Variants in GNPDA1 observed in about 807,000 individuals in gnomAD.
The protein encoded by GNPDA1 is GNPDA 1.
Under a neutral mutation model 28.5 loss-of-function variants are expected in GNPDA1, and 24 were observed. The observed-to-expected ratio is 0.84, with a 90% CI of 0.61 to 1.19. The LOEUF (loss-of-function observed/expected upper bound fraction) is 1.19, where lower values mean the gene tolerates loss of function less well. Ranked by LOEUF, GNPDA1 falls within the 50% of genes most tolerant of loss-of-function variation. The pLI, the probability that GNPDA1 is intolerant of heterozygous loss-of-function variation, is 0.00. For missense variants in GNPDA1, 264 were observed against 367.3 expected (o/e 0.72, Z 2.30); for synonymous variants, 147 against 139.3 (o/e 1.06, Z -0.39).
intron 4 of GNPDA1, 64 bp downstream of exon 4, chr5:142,006,080 G>T: frequency 7.4e-7 from 1 of 1,349,168 alleles, no homozygotes; most frequent in Non-Finnish European, 1.0e-6. Context: ...GACAGGCATT[G>T]TGTCTTGTCC....
chr5:142,006,585 C>T (rs896306785), intron 3 of GNPDA1, among the ~76,000 whole-genome samples: 1 of 149,408 alleles, frequency 6.7e-6, no homozygotes, highest in Non-Finnish European at 1.5e-5. Context: ...CTGGGAAATC[C>T]CCACATTCTG....
Position 142,003,009 on chromosome 5 carries a change from G to T in GNPDA1, c.769+79C>A. 2 of 1,145,248 alleles carry T rather than the reference G, an allele frequency of 1.7e-6. No individual in the cohort carries two copies. The highest frequency in any genetic ancestry group is 2.5e-6 in the Non-Finnish European group (2 of 793,710). 70.9% of individuals were successfully genotyped at this position (1,145,248 alleles called of 1,614,324 possible). A position where few individuals can be genotyped will look rare whatever the true frequency, so the allele number is the denominator to read the frequency against. ...ACAGTTGTCAATTAAAATGACCAGA[G>T]GATGAAAGCTGGATCTACTCCTTAC... On this transcript the variant is annotated intron_variant, in intron 6 of 6. Transcript: ENST00000311337. This position sits in a 1 kb window ranked among gnomAD's most constrained non-coding sequence, Gnocchi z 4.0.
Position 142,002,128 on chromosome 5 carries a change from A to C in GNPDA1, c.771T>G (p.Gly257=). 6.5e-7 allele frequency: 1 copy of C among 1,532,460 alleles called. No homozygotes were observed. Among genetic ancestry groups the C allele is most frequent in the Non-Finnish European group, 9.0e-7 (1 of 1,112,290 alleles). 94.9% of individuals were successfully genotyped at this position (1,532,460 alleles called of 1,614,324 possible). The change falls in exon 7 of 7, where the codon GGT becomes GGG. Residue 257 remains glycine, a splice_region_variant and synonymous_variant. Coordinates refer to ENST00000311337, the MANE Select transcript of GNPDA1 (RefSeq NM_005471.5). ...CCAACTTGTTATGAACAAGCATTAA[A>C]CCTACAAAAAATTAAAAACAAAAAG... ...LKVKTVKYFK[G]LMLVHNKLVD...
intron 2 of GNPDA1, among the ~76,000 whole-genome samples, 172 bp from the exon 3 acceptor site, chr5:142,008,072 A>G (rs920707232): frequency 6.6e-6 from 1 of 152,178 alleles, no homozygotes; most frequent in African/African-American, 2.4e-5. Context: ...TTTAATGCCT[A>G]TTTTGCCACT....
chr5:142,006,231 C>A lies in GNPDA1; in HGVS notation c.322G>T (p.Asp108Tyr). 3 of 1,613,978 alleles carry A rather than the reference C, an allele frequency of 1.9e-6. No homozygotes were observed. Among genetic ancestry groups the A allele is most frequent in the Non-Finnish European group, 2.5e-6 (3 of 1,179,818 alleles). ...GCCTGTAGGTCGACTGCATTCCCAT[C>A]CAGAATGTGGGTGTTTTCTGGGTGG... ...DIHPENTHIL[D>Y]GNAVDLQAEC... The change falls in exon 4 of 7, where the codon GAT becomes TAT. Residue 108 changes from aspartate to tyrosine, a missense_variant. By Grantham distance (160) the Asp-to-Tyr change is radical. Coordinates refer to ENST00000311337, the MANE Select transcript of GNPDA1 (RefSeq NM_005471.5).
At position 142,004,933 on chromosome 5, in the gene GNPDA1, T is replaced by C. The variant is rs1755765448; in HGVS notation, c.593A>G (p.Glu198Gly). 2 of 1,593,278 alleles carry C rather than the reference T, an allele frequency of 1.3e-6. No homozygotes were observed. Among genetic ancestry groups the C allele is most frequent in the Non-Finnish European group, 1.7e-6 (2 of 1,163,194 alleles). The stretch of plus-strand genomic sequence containing the variant: ...CTGGTGGGGCCCTTATGCCCTTACC[T>C]CTCTAGCATCCATGACAGTGCCCAC... ...VGVGTVMDAR[E>G]VMILITGAHK... The change falls in exon 5 of 7, where the codon GAG (glutamate) becomes GGG (glycine). Residue 198 changes from glutamate (E) to glycine (G), a missense_variant and splice_region_variant. Coordinates refer to ENST00000311337, the MANE Select transcript of GNPDA1 (RefSeq NM_005471.5).
intron 6 of GNPDA1, among the ~76,000 whole-genome samples, chr5:142,002,874 T>C (rs1254927187): frequency 1.3e-5 from 2 of 152,228 alleles, no homozygotes; most frequent in African/African-American, 4.8e-5. Flanking sequence ...TGCGTTTTCT[T>C]TCCTCCTCCT....
chr5:142,010,403 C>G (rs907094419), intron 2 of GNPDA1, among the ~76,000 whole-genome samples: 33 of 152,192 alleles, frequency 2.2e-4, no homozygotes, highest in African/African-American at 6.8e-4. Flanking sequence ...AAATGATCGA[C>G]CCACCTCAGC....
intron 2 of GNPDA1, among the ~76,000 whole-genome samples, chr5:142,009,696 A>C (rs1432115387): frequency 1.3e-5 from 2 of 152,094 alleles, no homozygotes; most frequent in Non-Finnish European, 1.5e-5. Context: ...GCCATTTTCC[A>C]AACTTCTAGC....
rs1485307907 is a variant in GNPDA1 at position 142,006,077 on chromosome 5, A to C, written c.409+67T>G. The stretch of plus-strand genomic sequence containing the variant: ...CAGAAGAAGCTGTCTGCAGACAGGC[A>C]TTGTGTCTTGTCCTCCTTCCCACGG... On this transcript the variant is annotated intron_variant, in intron 4 of 6. Transcript: ENST00000311337. 1.1e-5 allele frequency: 15 copies of C among 1,326,150 alleles called. No individual in the cohort carries two copies. In the Admixed American group the frequency reaches 1.3e-4, roughly 11 times the overall value. 82.1% of individuals were successfully genotyped at this position (1,326,150 alleles called of 1,614,324 possible).
chr5:142,008,800 C>CTAAA (rs976233592), intron 2 of GNPDA1, among the ~76,000 whole-genome samples: 4 of 150,956 alleles, frequency 2.6e-5, no homozygotes, highest in Non-Finnish European at 5.9e-5. Context: ...TATTAAAAGA[C>CTAAA]TAAAGATGCA....
At chr5:142,010,886 A>G (rs1561573840) in intron 2 of GNPDA1, among the ~76,000 whole-genome samples, 1 of 152,026 alleles carries the variant, frequency 6.6e-6, no homozygotes, top group African/African-American at 2.4e-5. Context: ...TGAAAATTAT[A>G]TAAGTTCAAA....
intron 2 of GNPDA1, among the ~76,000 whole-genome samples, chr5:142,010,711 G>C (rs1755927861): frequency 6.7e-6 from 1 of 148,328 alleles, no homozygotes; most frequent in African/African-American, 2.5e-5. Flanking sequence ...ATGGGGTTTT[G>C]CCATGTTGCC....
At chr5:142,009,070 G>A (rs760958665) in intron 2 of GNPDA1, among the ~76,000 whole-genome samples, 3 of 152,076 alleles carry the variant, frequency 2.0e-5, no homozygotes, top group Non-Finnish European at 4.4e-5. Context: ...GTGTGTGTGT[G>A]TGTAGATAAA....
chr5:142,005,061 GGACACCA>G lies in GNPDA1; in HGVS notation c.458_464del (p.Leu153ProfsTer5). The G allele has an allele frequency of 6.2e-7, 1 of 1,613,202 alleles. No homozygotes were observed. Among genetic ancestry groups the G allele is most frequent in the East Asian group, 2.2e-5 (1 of 44,852 alleles). ...TGGCCAGCGTCTTCACACGGGTCCT[GGACACCA>G]GACTGGAGCCTGGCTCGTTGAAGGC... On this transcript the variant is annotated frameshift_variant, in exon 5 of 7. Coordinates refer to ENST00000311337, the MANE Select transcript of GNPDA1 (RefSeq NM_005471.5). LOFTEE classifies it high-confidence loss of function.
chr5:142,008,046 A>G, intron 2 of GNPDA1, 146 bp from the exon 3 acceptor site: 1 of 624,414 alleles, frequency 1.6e-6, no homozygotes, highest in Non-Finnish European at 2.9e-6. Flanking sequence ...ACTGCCATCC[A>G]TCCATTAATT....
At chr5:142,004,358 G>A (rs1755748935) in intron 5 of GNPDA1, among the ~76,000 whole-genome samples, 1 of 152,204 alleles carries the variant, frequency 6.6e-6, no homozygotes, top group Non-Finnish European at 1.5e-5. Context: ...CGTCAGAAAG[G>A]AAGAGAAAAT....
At chr5:142,006,833 T>G (rs943248006) in intron 3 of GNPDA1, among the ~76,000 whole-genome samples, 5 of 151,340 alleles carry the variant, frequency 3.3e-5, no homozygotes, top group African/African-American at 1.2e-4. Flanking sequence ...TTTTTTTTTT[T>G]GGCCAGGAAA....
At chr5:142,008,459 GC>G (rs1755860415) in intron 2 of GNPDA1, among the ~76,000 whole-genome samples, 1 of 152,202 alleles carries the variant, frequency 6.6e-6, no homozygotes, top group African/African-American at 2.4e-5. Context: ...AGGCATGGTG[GC>G]TCACGCCTGT....
Sources: gnomAD v4.1 joint callset for allele counts (sites outside exome capture counted in the v4.1 genomes callset) on GRCh38, gnomAD v4.1.1 for gene constraint, Gnocchi (gnomAD v3.1) non-coding constraint, MANE v1.5 for transcripts, NCBI Gene and HGNC (gene_info 2026-07-23, HGNC 2026-07-21) for gene names.